Variants in TMTC1 observed in about 807,000 individuals in gnomAD.
TMTC1 encodes transmembrane O-mannosyltransferase targeting cadherins 1.
Under a neutral mutation model 104.8 loss-of-function variants are expected in TMTC1, and 73 were observed. The ratio of observed to expected loss-of-function variants is 0.70; its 90% CI spans 0.58 to 0.85. The LOEUF (loss-of-function observed/expected upper bound fraction) is 0.85, where lower values mean the gene tolerates loss of function less well. TMTC1 is among the 40% of genes least tolerant of loss of function. The pLI is 0.00. For synonymous variants in TMTC1, 434 were observed against 428.7 expected (o/e 1.01, Z -0.15); for missense variants, 1,035 against 1,096.1 (o/e 0.94, Z 0.79).
At chr12:29,645,854 G>C (rs1196591647) in intron 5 of TMTC1, among the ~76,000 whole-genome samples, 2 of 152,160 alleles carry the variant, frequency 1.3e-5, no homozygotes, top group African/African-American at 4.8e-5. Context: ...CTAGCATGTA[G>C]AACATTCGCT....
At chr12:29,628,300 C>T (rs2136487304) in intron 6 of TMTC1, among the ~76,000 whole-genome samples, 2 of 152,208 alleles carry the variant, frequency 1.3e-5, no homozygotes, top group Non-Finnish European at 2.9e-5. Flanking sequence ...TGAAAAGGAA[C>T]AACGTGGTAC....
At chr12:29,660,937 T>C in intron 5 of TMTC1, 1 of 1,124,976 alleles carries the variant, frequency 8.9e-7, no homozygotes, top group South Asian at 1.8e-5. Context: ...CCAGACACAA[T>C]GTTCTCCTTT....
intron 5 of TMTC1, among the ~76,000 whole-genome samples, chr12:29,647,328 CAT>C (rs1291976362): frequency 6.6e-6 from 1 of 152,164 alleles, no homozygotes; most frequent in African/African-American, 2.4e-5. Context: ...CCCCAAAAAA[CAT>C]GTTTTAAGAG....
chr12:29,656,509 C>G (rs1939767955), intron 5 of TMTC1, among the ~76,000 whole-genome samples: 1 of 151,948 alleles, frequency 6.6e-6, no homozygotes, highest in African/African-American at 2.4e-5. Flanking sequence ...CGCCTGCCAC[C>G]ATGCCTGGTT....
intron 6 of TMTC1, among the ~76,000 whole-genome samples, chr12:29,626,946 C>CA (rs1356362718): frequency 6.6e-6 from 1 of 151,778 alleles, no homozygotes; most frequent in Non-Finnish European, 1.5e-5. Flanking sequence ...ACTAAAAATA[C>CA]AAAAAATTAG....
At chr12:29,663,975 C>T (rs988556818) in intron 5 of TMTC1, among the ~76,000 whole-genome samples, 1 of 151,884 alleles carries the variant, frequency 6.6e-6, no homozygotes, top group Non-Finnish European at 1.5e-5. Context: ...ATCACGAGGT[C>T]AGGAGATCGA....
chr12:29,676,874 A>C (rs1940745787), intron 5 of TMTC1, among the ~76,000 whole-genome samples: 1 of 152,186 alleles, frequency 6.6e-6, no homozygotes, highest in South Asian at 2.1e-4. Flanking sequence ...GGGAGTCATT[A>C]AGTCTTGACA....
intron 5 of TMTC1, among the ~76,000 whole-genome samples, chr12:29,687,093 C>A (rs986594): frequency 0.25 from 37,402 of 151,970 alleles, 5,069 homozygotes; most frequent in African/African-American, 0.33. Flanking sequence ...CACAATAATA[C>A]GCAAGAAAAT....
At chr12:29,525,272 T>C (rs547593143) in intron 11 of TMTC1, among the ~76,000 whole-genome samples, 2 of 143,622 alleles carry the variant, frequency 1.4e-5, no homozygotes, top group African/African-American at 5.0e-5. Flanking sequence ...AACCTCCGTC[T>C]CCTGGGTTCA....
rs77483961 is a variant in TMTC1 at position 29,550,671 on chromosome 12, A to T, written c.1676+6186T>A. On this transcript the variant is annotated intron_variant, in intron 10 of 17. Coordinates refer to ENST00000539277, the MANE Select transcript of TMTC1 (RefSeq NM_001193451.2). The stretch of plus-strand genomic sequence containing the variant: ...GCCATGTTGGTAAATGCTAAGGTAG[A>T]GCATAAATGGGGGGCCCTGAAGGGA... Among the ~76,000 whole-genome samples the T allele has an allele frequency of 6.7e-3, 1,017 of 152,194 alleles. 21 individuals are homozygous for T. Among genetic ancestry groups the T allele is most frequent in the East Asian group, 0.055 (282 of 5,160 alleles).
rs1349825071 is a variant in TMTC1 at position 29,633,285 on chromosome 12, T to C, written c.990A>G (p.Ala330=). The change falls in exon 6 of 18, where the codon GCA becomes GCG. Residue 330 remains alanine, a synonymous_variant. Coordinates refer to ENST00000539277, the MANE Select transcript of TMTC1 (RefSeq NM_001193451.2). ...LLAFNVWLLL[A]PVTLCYDWQV... ...GCCAGTCATAGCACAGGGTCACGGG[T>C]GCAAGCAGAAGCCACACATTGAAGG... 1.2e-6 allele frequency: 2 copies of C among 1,613,530 alleles called. No homozygotes were observed. The highest frequency in any genetic ancestry group is 1.7e-6 in the Non-Finnish European group (2 of 1,179,762).
chr12:29,675,458 GA>G (rs1940688031), intron 5 of TMTC1, among the ~76,000 whole-genome samples: 1 of 152,056 alleles, frequency 6.6e-6, no homozygotes, highest in Non-Finnish European at 1.5e-5. Flanking sequence ...GACAATCCTG[GA>G]AAAACCTGGT....
chr12:29,560,685 A>G (rs1017946541), intron 9 of TMTC1, among the ~76,000 whole-genome samples: 13 of 152,208 alleles, frequency 8.5e-5, no homozygotes, highest in African/African-American at 3.1e-4. Flanking sequence ...GTGTTCAAGT[A>G]TTGGGTACTT....
intron 6 of TMTC1, among the ~76,000 whole-genome samples, chr12:29,626,053 T>C (rs1937972797): frequency 6.6e-6 from 1 of 152,242 alleles, no homozygotes; most frequent in African/African-American, 2.4e-5. Context: ...AAAATCTATT[T>C]GAACAGAATT....
At chr12:29,597,359 G>A (rs1232074426) in intron 7 of TMTC1, among the ~76,000 whole-genome samples, 1 of 151,022 alleles carries the variant, frequency 6.6e-6, no homozygotes, top group Non-Finnish European at 1.5e-5. Context: ...ACAGGTGTGA[G>A]CCACCATGCC....
chr12:29,633,435 G>C, intron 5 of TMTC1, 99 bp from the exon 6 acceptor site: 1 of 969,874 alleles, frequency 1.0e-6, no homozygotes, highest in Non-Finnish European at 1.5e-6. Context: ...TTTCTACCCA[G>C]TCAATGTTAT....
intron 5 of TMTC1, among the ~76,000 whole-genome samples, chr12:29,684,967 T>A (rs1197609426): frequency 2.0e-5 from 3 of 152,210 alleles, no homozygotes; most frequent in Non-Finnish European, 4.4e-5. Context: ...CAAACCTTTT[T>A]TCCCTTTCTA....
intron 5 of TMTC1, among the ~76,000 whole-genome samples, chr12:29,694,566 A>G (rs776700693): frequency 2.0e-5 from 3 of 151,726 alleles, no homozygotes; most frequent in Non-Finnish European, 4.4e-5. Flanking sequence ...AATCTGTGAA[A>G]TCCACGGATA....
At chr12:29,604,928 T>C (rs990544384) in intron 6 of TMTC1, among the ~76,000 whole-genome samples, 5 of 152,312 alleles carry the variant, frequency 3.3e-5, no homozygotes, top group Admixed American at 6.5e-5. Flanking sequence ...ATTCATTAAA[T>C]TGACAAAGAA....
Sources: allele counts gnomAD v4.1 joint callset (sites outside exome capture counted in the v4.1 genomes callset), GRCh38; gene constraint gnomAD v4.1.1; transcripts MANE v1.5; gene names NCBI Gene and HGNC (gene_info 2026-07-23, HGNC 2026-07-21).